Variants in RTN3 observed in about 807,000 individuals in gnomAD.
RTN3 encodes the protein reticulon 3.
In RTN3, 49 loss-of-function variants were observed where a neutral mutation model predicts 77.8. That is an observed-to-expected ratio of 0.63 (90% CI 0.50 to 0.80). The LOEUF (loss-of-function observed/expected upper bound fraction) is 0.80, where lower values mean the gene tolerates loss of function less well. RTN3 is among the 30% of genes least tolerant of loss of function. The probability of loss-of-function intolerance (pLI) is 0.00; values close to 1 mark genes in which losing one functional copy is unlikely to be tolerated. For synonymous variants in RTN3, 464 were observed against 446.9 expected, an observed-to-expected ratio of 1.04 and a Z score of -0.48; for missense variants, 1,236 against 1,211.9, an observed-to-expected ratio of 1.02 and a Z score of -0.29.
chr11:63,708,353 A>G (rs1942595764), intron 2 of RTN3, among the ~76,000 whole-genome samples: 1 of 152,180 alleles, frequency 6.6e-6, no homozygotes, highest in Admixed American at 6.6e-5. Context: ...AAAAAAAAAT[A>G]GAGACAAGGT....
intron 1 of RTN3, among the ~76,000 whole-genome samples, chr11:63,699,296 ACTCCTT>A (rs1303863872): frequency 1.4e-5 from 2 of 145,450 alleles, no homozygotes; most frequent in East Asian, 4.1e-4. Flanking sequence ...CAGAGCTGAG[ACTCCTT>A]CTCAAAAAAA....
chr11:63,734,987 A>G (rs189890526), intron 3 of RTN3, among the ~76,000 whole-genome samples: 1 of 152,186 alleles, frequency 6.6e-6, no homozygotes, highest in East Asian at 1.9e-4. Flanking sequence ...GATAAACAAA[A>G]CTCAATTTTG....
chr11:63,689,446 T>A (rs1941542259), intron 1 of RTN3, among the ~76,000 whole-genome samples: 1 of 152,200 alleles, frequency 6.6e-6, no homozygotes, highest in African/African-American at 2.4e-5. Context: ...TGTGATTGCA[T>A]CATTGAAGTC....
At chr11:63,746,092 T>C (rs1321560454) in intron 3 of RTN3, among the ~76,000 whole-genome samples, 1 of 152,188 alleles carries the variant, frequency 6.6e-6, no homozygotes, top group Non-Finnish European at 1.5e-5. Context: ...ATTACAGGAG[T>C]GACCCACCGC....
At chr11:63,714,193 G>T in intron 2 of RTN3, 1 of 341,672 alleles carries the variant, frequency 2.9e-6, no homozygotes. Flanking sequence ...AGCCAAAAAT[G>T]GTATTTTCAT....
chr11:63,687,236 T>C (rs1034507675), intron 1 of RTN3, among the ~76,000 whole-genome samples: 2 of 152,180 alleles, frequency 1.3e-5, no homozygotes, highest in Non-Finnish European at 2.9e-5. Context: ...TCTTAATAAT[T>C]ATGTGATCTT....
chr11:63,699,342 C>T (rs962667587), intron 1 of RTN3, among the ~76,000 whole-genome samples: 1 of 152,000 alleles, frequency 6.6e-6, no homozygotes, highest in Non-Finnish European at 1.5e-5. Context: ...TGTTCCCAAC[C>T]ATGGCATTTC....
At chr11:63,721,602 T>G (rs940089441) in intron 3 of RTN3, among the ~76,000 whole-genome samples, 3 of 151,936 alleles carry the variant, frequency 2.0e-5, no homozygotes, top group Non-Finnish European at 4.4e-5. Context: ...GAAAATTTTT[T>G]TTCTATGCTC....
intron 2 of RTN3, among the ~76,000 whole-genome samples, chr11:63,705,756 T>C (rs766273053): frequency 1.3e-5 from 2 of 152,254 alleles, no homozygotes; most frequent in Non-Finnish European, 2.9e-5. Flanking sequence ...AAGCAAGGCT[T>C]CTTGTCCTAG....
At position 63,682,742 on chromosome 11, in the gene RTN3, C is replaced by T. The variant is rs537144888; in HGVS notation, c.142+964C>T. On this transcript the variant is annotated intron_variant, in intron 1 of 8. Coordinates refer to ENST00000377819, the MANE Select transcript of RTN3 (RefSeq NM_001265589.2). The stretch of plus-strand genomic sequence containing the variant: ...AGACTAAGAACGAAGCTGCAGACCT[C>T]CTTTAGTTTGCATTGTATACGCGTC... Among the ~76,000 whole-genome samples, 7 of 152,204 alleles carry T rather than the reference C, an allele frequency of 4.6e-5. No individual in the cohort carries two copies. In the East Asian group the frequency reaches 1.2e-3, roughly 25 times the overall value.
At chr11:63,753,182 T>C in intron 6 of RTN3, 44 bp downstream of exon 6, 1 of 1,566,488 alleles carries the variant, frequency 6.4e-7, no homozygotes, top group Non-Finnish European at 8.8e-7. Flanking sequence ...TGAAGTAGTT[T>C]GTAAGAATAA....
intron 3 of RTN3, among the ~76,000 whole-genome samples, chr11:63,735,432 G>C (rs1379397562): frequency 1.3e-5 from 2 of 152,206 alleles, no homozygotes; most frequent in African/African-American, 4.8e-5. Context: ...GCTAAAGAAT[G>C]ACTAAGAGGA....
chr11:63,683,579 A>T (rs1941180027), intron 1 of RTN3, among the ~76,000 whole-genome samples: 1 of 152,200 alleles, frequency 6.6e-6, no homozygotes, highest in Admixed American at 6.6e-5. Flanking sequence ...CTTTTAATGC[A>T]CTTATGGAAG....
Position 63,704,854 on chromosome 11 carries a change from C to A in RTN3, c.146C>A (p.Ser49Tyr), listed in dbSNP as rs758581559. 6.2e-7 allele frequency: 1 copy of A among 1,608,928 alleles called. No individual in the cohort carries two copies. The highest frequency in any genetic ancestry group is 1.1e-5 in the South Asian group (1 of 90,974). The part of the protein sequence containing the change: ...TKSCSSSCAD[S>Y]FVSSSSSQPV... Reference sequence around the variant, plus strand: ...CATGCTGTATATTTTCTTTCAGATTCCTTTGTTTCTTCCTCTTCCTCTCAG... The same window carrying A: ...CATGCTGTATATTTTCTTTCAGATTACTTTGTTTCTTCCTCTTCCTCTCAG... The change falls in exon 2 of 9, where the codon TCC (serine) becomes TAC (tyrosine). Residue 49 changes from serine (S) to tyrosine (Y), a missense_variant. By Grantham distance (144) the Ser-to-Tyr change is moderately radical. Coordinates refer to ENST00000377819, the MANE Select transcript of RTN3 (RefSeq NM_001265589.2).
rs190406808 is a variant in RTN3, at chr11:63,722,284, A to G, written c.2530+1252A>G. Among the ~76,000 whole-genome samples the G allele has an allele frequency of 2.6e-4, 40 of 152,328 alleles. No individual in the cohort carries two copies. The East Asian group carries it at 7.7e-3, about 29-fold the overall frequency. ...TCATACACAGAGTTGTAGTATTTAC[A>G]AGAAAATTAGATTTTTGTTAGGCTA... On this transcript the variant is annotated intron_variant, in intron 3 of 8. Transcript: ENST00000377819.
intron 3 of RTN3, among the ~76,000 whole-genome samples, chr11:63,733,614 A>G (rs558693389): frequency 6.6e-6 from 1 of 152,204 alleles, no homozygotes; most frequent in Non-Finnish European, 1.5e-5. Flanking sequence ...TCATTCCTGT[A>G]ATCTCAACAC....
intron 1 of RTN3, among the ~76,000 whole-genome samples, chr11:63,703,416 C>G (rs1004972821): frequency 1.3e-5 from 2 of 152,018 alleles, no homozygotes; most frequent in African/African-American, 4.8e-5. Flanking sequence ...CTTTAGGGGC[C>G]GTGCTAGTCT....
chr11:63,742,760 C>T (rs995397680), intron 3 of RTN3, among the ~76,000 whole-genome samples: 3 of 152,106 alleles, frequency 2.0e-5, no homozygotes, highest in Non-Finnish European at 4.4e-5. Flanking sequence ...AGATAGCTCT[C>T]CATTAATTTA....
chr11:63,728,574 A>C (rs1005251235), intron 3 of RTN3, among the ~76,000 whole-genome samples: 6 of 152,156 alleles, frequency 3.9e-5, no homozygotes, highest in African/African-American at 1.4e-4. Context: ...AAAACCAAAA[A>C]TAAGGAGAAA....
Sources: gnomAD v4.1 joint callset for allele counts (sites outside exome capture counted in the v4.1 genomes callset) on GRCh38, gnomAD v4.1.1 for gene constraint, MANE v1.5 for transcripts, NCBI Gene and HGNC (gene_info 2026-07-23, HGNC 2026-07-21) for gene names.